The following DGKB variants were observed in gnomAD, a reference collection of about 807,000 sequenced individuals.
DGKB encodes the protein 90 kDa diacylglycerol kinase.
In DGKB, 67 loss-of-function variants were observed where a neutral mutation model predicts 114.3. The ratio of observed to expected loss-of-function variants is 0.59; its 90% CI spans 0.48 to 0.72. The LOEUF (loss-of-function observed/expected upper bound fraction) is 0.72. Ranked by LOEUF, DGKB falls within the 30% of genes least tolerant of loss-of-function variation. The pLI, the probability that DGKB is intolerant of heterozygous loss-of-function variation, is 0.00. For synonymous variants in DGKB, 398 were observed against 323.1 expected, an observed-to-expected ratio of 1.23 and a Z score of -2.49; for missense variants, 907 against 975.2, an observed-to-expected ratio of 0.93 and a Z score of 0.93.
chr7:14,723,051 A>G (rs1829461260), intron 5 of DGKB, among the ~76,000 whole-genome samples: 1 of 142,812 alleles, frequency 7.0e-6, no homozygotes. Flanking sequence ...CCCTTTCCCT[A>G]AATCTGGCTG....
chr7:14,414,819 G>A (rs1176631193), intron 21 of DGKB, among the ~76,000 whole-genome samples: 1 of 151,932 alleles, frequency 6.6e-6, no homozygotes, highest in African/African-American at 2.4e-5. Context: ...GATGTGTGAA[G>A]GGCACTTAAC....
intron 21 of DGKB, among the ~76,000 whole-genome samples, chr7:14,350,067 A>G (rs1215071231): frequency 6.6e-6 from 1 of 152,132 alleles, no homozygotes; most frequent in East Asian, 1.9e-4. Context: ...TAAATCTACA[A>G]GTTTCTATTT....
chr7:14,282,121 T>A, intron 23 of DGKB, among the ~76,000 whole-genome samples: 1 of 60,418 alleles, frequency 1.7e-5, no homozygotes. Flanking sequence ...CTAGCAAGAC[T>A]AATAAAGAAA....
chr7:14,347,303 A>G (rs1010304817), intron 21 of DGKB, among the ~76,000 whole-genome samples: 3 of 152,046 alleles, frequency 2.0e-5, no homozygotes. Flanking sequence ...AGCACTGGCA[A>G]GGGTGTGGAC....
chr7:14,195,611 G>C (rs10252500), intron 23 of DGKB, among the ~76,000 whole-genome samples: 1 of 151,994 alleles, frequency 6.6e-6, no homozygotes, highest in Non-Finnish European at 1.5e-5. Flanking sequence ...ATTTTCTTGA[G>C]ATATATTATA....
At chr7:14,689,275 G>C (rs1300728918) in intron 9 of DGKB, among the ~76,000 whole-genome samples, 10 of 142,720 alleles carry the variant, frequency 7.0e-5, no homozygotes, top group Non-Finnish European at 1.3e-4. Flanking sequence ...GCGCGATCTC[G>C]GCTCACTGCA....
chr7:14,653,579 G>C (rs548795018), intron 13 of DGKB, among the ~76,000 whole-genome samples: 1 of 151,656 alleles, frequency 6.6e-6, no homozygotes, highest in Non-Finnish European at 1.5e-5. Context: ...TGGGTTCAGC[G>C]CACCAGCATG....
At chr7:14,488,653 A>AAC (rs1327551530) in intron 20 of DGKB, among the ~76,000 whole-genome samples, 3 of 150,692 alleles carry the variant, frequency 2.0e-5, no homozygotes, top group Non-Finnish European at 4.4e-5. Flanking sequence ...TCCACTAAAA[A>AAC]AAAAAAAAAA....
chr7:14,474,907 A>G (rs929508155), intron 21 of DGKB, among the ~76,000 whole-genome samples: 13 of 152,056 alleles, frequency 8.5e-5, no homozygotes, highest in Non-Finnish European at 1.6e-4. Context: ...AAAGTTTAGA[A>G]AGTTAAACAG....
intron 25 of DGKB, among the ~76,000 whole-genome samples, chr7:14,174,380 GT>G (rs1781425721): frequency 6.6e-6 from 1 of 152,188 alleles, no homozygotes; most frequent in Non-Finnish European, 1.5e-5. Context: ...CATGGGTCAA[GT>G]GTCTCCAACT....
At chr7:14,446,258 G>A (rs1318768205) in intron 21 of DGKB, among the ~76,000 whole-genome samples, 1 of 152,086 alleles carries the variant, frequency 6.6e-6, no homozygotes, top group East Asian at 1.9e-4. Context: ...CTTAACCAAT[G>A]TTTCATTCAA....
At chr7:14,520,483 C>A (rs1433669968) in intron 20 of DGKB, among the ~76,000 whole-genome samples, 1 of 151,594 alleles carries the variant, frequency 6.6e-6, no homozygotes, top group Non-Finnish European at 1.5e-5. Context: ...TCCTCTAAAC[C>A]CTGCTTTAGC....
chr7:14,427,190 G>T (rs1186986657), intron 21 of DGKB, among the ~76,000 whole-genome samples: 2 of 152,056 alleles, frequency 1.3e-5, no homozygotes, highest in Non-Finnish European at 2.9e-5. Flanking sequence ...AACCACCATG[G>T]CACATGTTTA....
At chr7:14,674,466 C>T (rs539490438) in intron 12 of DGKB, among the ~76,000 whole-genome samples, 2 of 151,350 alleles carry the variant, frequency 1.3e-5, no homozygotes, top group South Asian at 2.1e-4. Flanking sequence ...AATTAACTTT[C>T]TTAGAATCTG....
At chr7:14,565,916 T>A (rs1797318604) in intron 20 of DGKB, among the ~76,000 whole-genome samples, 1 of 152,122 alleles carries the variant, frequency 6.6e-6, no homozygotes, top group African/African-American at 2.4e-5. Flanking sequence ...AGATTAATAT[T>A]TTTTCTTCAT....
At chr7:14,818,360 G>A (rs1200692134) in intron 2 of DGKB, among the ~76,000 whole-genome samples, 2 of 152,100 alleles carry the variant, frequency 1.3e-5, no homozygotes, top group Non-Finnish European at 2.9e-5. Flanking sequence ...AATGCACACA[G>A]TTCTAGAATC....
At chr7:14,387,631 G>A (rs1045528493) in intron 21 of DGKB, among the ~76,000 whole-genome samples, 4 of 151,914 alleles carry the variant, frequency 2.6e-5, no homozygotes, top group Non-Finnish European at 4.4e-5. Context: ...TGCCCATCCT[G>A]GTCTTGAACT....
At chr7:14,385,556 T>A (rs1484791738) in intron 21 of DGKB, among the ~76,000 whole-genome samples, 1 of 152,200 alleles carries the variant, frequency 6.6e-6, no homozygotes, top group African/African-American at 2.4e-5. Flanking sequence ...GATTACTACC[T>A]TTTACAGAGT....
chr7:14,252,581 G>A (rs192122157), intron 23 of DGKB, among the ~76,000 whole-genome samples: 9 of 152,260 alleles, frequency 5.9e-5, no homozygotes, highest in South Asian at 2.1e-4. Flanking sequence ...GGTAAACATT[G>A]CTGGCACCTG....
Sources: allele counts gnomAD v4.1 joint callset (sites outside exome capture counted in the v4.1 genomes callset), GRCh38; gene constraint gnomAD v4.1.1; transcripts MANE v1.5; gene names NCBI Gene and HGNC (gene_info 2026-07-23, HGNC 2026-07-21).